The following HEATR1 variants were observed in gnomAD, a reference collection of about 807,000 sequenced individuals.
HEATR1 encodes HEAT repeat-containing protein 1.
HEATR1 carries 77 observed loss-of-function variants against 248.2 expected under a neutral mutation model. The observed-to-expected ratio is 0.31, with a 90% confidence interval of 0.26 to 0.37. HEATR1 has a LOEUF of 0.37. Among genes scored for constraint, HEATR1 ranks in the 10% least tolerant of loss-of-function variants. The pLI is 1.00. For synonymous variants in HEATR1, 897 were observed against 923.1 expected (o/e 0.97, Z 0.51); for missense variants, 2,420 against 2,504.9 (o/e 0.97, Z 0.72).
chr1:236,585,233 A>C lies in HEATR1; in HGVS notation c.2050-17T>G, dbSNP rs1423741569. ...ATCCTCCACCTTGAAAAATAAACAC[A>C]CTCTATTACCAGTTGCTCTTGATTT... is the stretch of plus-strand genomic sequence containing the variant. On this transcript the variant is annotated splice_polypyrimidine_tract_variant and intron_variant, in intron 16 of 44. Coordinates refer to ENST00000366582, the MANE Select transcript of HEATR1 (RefSeq NM_018072.6). 2 of 1,593,206 alleles carry C rather than the reference A, an allele frequency of 1.3e-6. No individual in the cohort carries two copies. The highest frequency in any genetic ancestry group is 1.4e-5 in the African/African-American group (1 of 73,730).
chr1:236,603,894 ACAGTAACATCCAG>A, intron 2 of HEATR1, 47 bp downstream of exon 2: 1 of 1,556,504 alleles, frequency 6.4e-7, no homozygotes, highest in Non-Finnish European at 8.7e-7. Context: ...AAAAAAAAAA[ACAGTAACATCCAG>A]AAAACAAACG....
intron 4 of HEATR1, among the ~76,000 whole-genome samples, chr1:236,598,873 T>C (rs1383755307): frequency 6.6e-6 from 1 of 152,186 alleles, no homozygotes; most frequent in East Asian, 1.9e-4. Context: ...CCACCATATG[T>C]TGCAAACAAA....
intron 33 of HEATR1, 128 bp from the exon 34 acceptor site, chr1:236,559,965 A>T (rs1663082070): frequency 2.0e-6 from 2 of 978,180 alleles, no homozygotes; most frequent in Non-Finnish European, 2.9e-6. Context: ...ATTATTTCAA[A>T]AACTACTCGG....
rs777960224 is a variant in HEATR1, at chr1:236,566,815, A to G, written c.4139T>C (p.Ile1380Thr). 8.1e-6 allele frequency: 13 copies of G among 1,614,134 alleles called. No individual in the cohort carries two copies. In the South Asian group the frequency reaches 1.4e-4, roughly 18 times the overall value. Residue 1380 changes from isoleucine to threonine, a missense_variant, in exon 30 of 45, where the codon ATT becomes ACT. By Grantham distance (89) the Ile-to-Thr change is moderately conservative. Coordinates refer to ENST00000366582, the MANE Select transcript of HEATR1 (RefSeq NM_018072.6). ...TGGCAGCGCATCCACAAATACACTA[A>G]TGATTTTTACCACAATCTCTTCAAC... ...RNVEEIVVKI[I>T]SVFVDALPHV...
intron 29 of HEATR1, among the ~76,000 whole-genome samples, chr1:236,567,343 G>A (rs936130063): frequency 6.6e-6 from 1 of 152,132 alleles, no homozygotes; most frequent in African/African-American, 2.4e-5. Context: ...TGTCCCAAGC[G>A]CTACTTAGCC....
rs774384753 is a variant in HEATR1 at position 236,574,341 on chromosome 1, G to T, written c.3328-8C>A. On this transcript the variant is annotated splice_region_variant and splice_polypyrimidine_tract_variant and intron_variant, in intron 23 of 44. Transcript: ENST00000366582. ...AAAAAATGGTTTTGTAATCTAGAGGGGGTAGAAAAAAGGCAACTGAGTTCA... is the reference window on the plus strand; with the variant it reads ...AAAAAATGGTTTTGTAATCTAGAGGTGGTAGAAAAAAGGCAACTGAGTTCA... The T allele has an allele frequency of 3.1e-6, 5 of 1,600,314 alleles. No homozygotes were observed. Among genetic ancestry groups the T allele is most frequent in the African/African-American group, 1.4e-5 (1 of 74,028 alleles).
intron 20 of HEATR1, among the ~76,000 whole-genome samples, chr1:236,579,376 A>T (rs1204784462): frequency 6.6e-6 from 1 of 152,276 alleles, no homozygotes; most frequent in Non-Finnish European, 1.5e-5. Context: ...TTACAGTCAA[A>T]ATGACATATA....
chr1:236,602,431 A>C (rs1664350788), intron 3 of HEATR1, among the ~76,000 whole-genome samples: 2 of 152,238 alleles, frequency 1.3e-5, no homozygotes, highest in Non-Finnish European at 2.9e-5. Context: ...ATGCAGATAA[A>C]GTGCTTACCA....
rs1220395794 is a variant in HEATR1, at chr1:236,592,069, T to C, written c.1346A>G (p.Lys449Arg). ...TLDVVLEEHL[K>R]EIADLKKQEL... is the part of the protein sequence containing the mutation. ...TTGTTTTTTCAGATCTGCAATTTCC[T>C]TTAAGTGTTCCTCTAATACAACATC... The change falls in exon 11 of 45, where the codon AAG becomes AGG. Residue 449 changes from lysine to arginine, a missense_variant. Coordinates refer to ENST00000366582, the MANE Select transcript of HEATR1 (RefSeq NM_018072.6). 3 of 1,608,312 alleles carry C rather than the reference T, an allele frequency of 1.9e-6. No individual in the cohort carries two copies. The highest frequency in any genetic ancestry group is 2.6e-6 in the Non-Finnish European group (3 of 1,175,662).
chr1:236,559,482 T>G (rs977369274), intron 34 of HEATR1, among the ~76,000 whole-genome samples: 2 of 152,260 alleles, frequency 1.3e-5, no homozygotes, highest in South Asian at 4.1e-4. Flanking sequence ...ATATATTATA[T>G]GACTTAATTA....
At chr1:236,588,191 G>A (rs1465534763) in intron 12 of HEATR1, 148 bp from the exon 13 acceptor site, 1 of 507,710 alleles carries the variant, frequency 2.0e-6, no homozygotes, top group African/African-American at 2.0e-5. Flanking sequence ...AAACACACTA[G>A]AACTAGATAA....
intron 15 of HEATR1, 59 bp from the exon 16 acceptor site, chr1:236,586,000 T>G (rs113876412): frequency 3.1e-6 from 5 of 1,588,492 alleles, no homozygotes; most frequent in Non-Finnish European, 4.3e-6. Flanking sequence ...AAGAATCACA[T>G]GAAGAATTCA....
intron 20 of HEATR1, among the ~76,000 whole-genome samples, chr1:236,579,786 G>C (rs1465320481): frequency 6.6e-6 from 1 of 151,968 alleles, no homozygotes; most frequent in Non-Finnish European, 1.5e-5. Context: ...TACTTTAAAT[G>C]TAACAAAATT....
chr1:236,574,574 CT>C (rs74614923), intron 23 of HEATR1, 86 bp downstream of exon 23: 35,569 of 991,400 alleles, frequency 0.036, 42 homozygotes, highest in East Asian at 0.081. Context: ...AAATATTAAT[CT>C]TTTTTTTTTT....
In HEATR1 at chr1:236,585,103, G is replaced by C. The variant is rs183491379; in HGVS notation, c.2163C>G (p.Thr721=). 6.6e-4 allele frequency: 1,066 copies of C among 1,613,906 alleles called. 18 individuals are homozygous for C. The East Asian group carries it at 0.016, about 25-fold the overall frequency. Reference sequence around the variant, plus strand: ...AGACTCTTATCGCAAATGGAAAGTGGGTTTCTTTTAAAGATGAACAACAAG... The same window carrying C: ...AGACTCTTATCGCAAATGGAAAGTGCGTTTCTTTTAAAGATGAACAACAAG... The part of the protein sequence containing the change: ...LVSCCSSLKE[T]HFPFAIRVFS... The change falls in exon 17 of 45, where the codon ACC becomes ACG. Residue 721 remains threonine (T), a synonymous_variant. Transcript: ENST00000366582.
intron 32 of HEATR1, among the ~76,000 whole-genome samples, chr1:236,562,059 T>C (rs73113087): frequency 0.12 from 17,554 of 152,218 alleles, 1,884 homozygotes; most frequent in African/African-American, 0.28. Context: ...AATCACACTG[T>C]CTGCCACTAC....
chr1:236,571,781 G>C, intron 26 of HEATR1, 95 bp from the exon 27 acceptor site: 1 of 797,474 alleles, frequency 1.3e-6, no homozygotes, highest in Non-Finnish European at 2.1e-6. Flanking sequence ...ATTCAATAAG[G>C]AACTCATTCA....
chr1:236,580,246 C>T (rs1021402392), intron 20 of HEATR1, among the ~76,000 whole-genome samples: 36 of 152,026 alleles, frequency 2.4e-4, no homozygotes, highest in Non-Finnish European at 5.1e-4. Flanking sequence ...TAGAGAATGC[C>T]GAACCTGAAT....
chr1:236,603,868 A>G, intron 2 of HEATR1, 86 bp downstream of exon 2: 1 of 1,354,306 alleles, frequency 7.4e-7, no homozygotes, highest in Non-Finnish European at 1.0e-6. Flanking sequence ...ACGGGACAGA[A>G]GAGAAAACAA....
Sources: gnomAD v4.1 joint callset for allele counts (sites outside exome capture counted in the v4.1 genomes callset) on GRCh38, gnomAD v4.1.1 for gene constraint, MANE v1.5 for transcripts, NCBI Gene and HGNC (gene_info 2026-07-23, HGNC 2026-07-21) for gene names.